Variants in CEP192 observed in about 807,000 individuals in gnomAD.
CEP192 encodes centrosomal protein 192, also known as centrosomal protein of 192 kDa.
Under a neutral mutation model 271.8 loss-of-function variants are expected in CEP192, and 151 were observed. The ratio of observed to expected loss-of-function variants is 0.56; its 90% confidence interval spans 0.49 to 0.64. CEP192 has a LOEUF of 0.64. Among genes scored for constraint, CEP192 ranks in the 30% least tolerant of loss-of-function variants. CEP192 has a pLI of 0.00. For missense variants in CEP192, 2,910 were observed against 3,020.5 expected (o/e 0.96, Z 0.86); for synonymous variants, 995 against 1,076.5 (o/e 0.92, Z 1.48).
intron 32 of CEP192, chr18:13,088,773 A>G: frequency 3.9e-6 from 1 of 253,434 alleles, no homozygotes. Flanking sequence ...AATGTTTTAC[A>G]AGAGGGAATT....
intron 34 of CEP192, among the ~76,000 whole-genome samples, chr18:13,093,909 C>G (rs564723551): frequency 1.3e-5 from 2 of 152,292 alleles, no homozygotes; most frequent in Admixed American, 6.5e-5. Flanking sequence ...GAGATTTCAC[C>G]AAATCACCTT....
At chr18:13,018,988 T>C (rs1384646415) in intron 8 of CEP192, 94 bp from the exon 9 acceptor site, 16 of 1,225,114 alleles carry the variant, frequency 1.3e-5, no homozygotes, top group Non-Finnish European at 1.7e-5. Flanking sequence ...AGTATTAGGG[T>C]TACATAAAAT....
intron 7 of CEP192, 44 bp from the exon 8 acceptor site, chr18:13,018,435 AT>A (rs1403603406): frequency 7.9e-7 from 1 of 1,271,124 alleles, no homozygotes; most frequent in Non-Finnish European, 1.1e-6. Context: ...AAAATATTTC[AT>A]TTTAATTTAA....
chr18:13,029,559 C>T (rs2035496585), intron 9 of CEP192, 104 bp from the exon 10 acceptor site: 1 of 700,218 alleles, frequency 1.4e-6, no homozygotes, highest in African/African-American at 1.8e-5. Context: ...ATATAATAAA[C>T]ATTTTATATC....
At chr18:13,120,909 C>CT (rs1184196090) in intron 44 of CEP192, among the ~76,000 whole-genome samples, 1 of 152,210 alleles carries the variant, frequency 6.6e-6, no homozygotes, top group Non-Finnish European at 1.5e-5. Context: ...TTATAGGAAA[C>CT]TTTATTTTAC....
intron 41 of CEP192, 54 bp downstream of exon 41, chr18:13,113,759 A>G: frequency 1.3e-6 from 2 of 1,493,212 alleles, no homozygotes; most frequent in South Asian, 1.3e-5. Flanking sequence ...AAAAACAGAA[A>G]GGGAAATTAA....
intron 1 of CEP192, among the ~76,000 whole-genome samples, chr18:12,998,500 T>A (rs977418135): frequency 1.3e-5 from 2 of 152,216 alleles, no homozygotes; most frequent in African/African-American, 4.8e-5. Flanking sequence ...AATGGGATAA[T>A]ACCTACATTG....
intron 40 of CEP192, among the ~76,000 whole-genome samples, chr18:13,109,981 C>T: frequency 6.6e-6 from 1 of 151,966 alleles, no homozygotes; most frequent in Admixed American, 6.6e-5. Context: ...TTTCATGAAC[C>T]CCTCGAATAT....
At chr18:13,005,219 C>G (rs574208320) in intron 3 of CEP192, among the ~76,000 whole-genome samples, 8 of 152,262 alleles carry the variant, frequency 5.3e-5, no homozygotes, top group Admixed American at 2.0e-4. Flanking sequence ...ACAGGCTATT[C>G]AGGCTTTCAT....
At chr18:13,099,731 C>A (rs2039618565) in intron 37 of CEP192, 150 bp downstream of exon 37, 5 of 545,102 alleles carry the variant, frequency 9.2e-6, no homozygotes, top group South Asian at 5.8e-5. Flanking sequence ...AGGGATTCAA[C>A]CAACCACAGA....
At chr18:13,088,994 A>AT (rs1018614478) in intron 32 of CEP192, 96 of 377,384 alleles carry the variant, frequency 2.5e-4, no homozygotes, top group Middle Eastern at 1.3e-3. Flanking sequence ...CAGTAGTGAG[A>AT]TTTTTTTTGT....
At chr18:13,037,202 A>G (rs1238180296) in intron 11 of CEP192, 35 bp from the exon 12 acceptor site, 1 of 831,928 alleles carries the variant, frequency 1.2e-6, no homozygotes, top group East Asian at 2.7e-5. Context: ...TTTAGGCATT[A>G]GTGTAATGTA....
At chr18:13,083,401 C>T (rs1049260847) in intron 30 of CEP192, among the ~76,000 whole-genome samples, 4 of 152,178 alleles carry the variant, frequency 2.6e-5, no homozygotes, top group African/African-American at 9.6e-5. Context: ...CCCACTTGAT[C>T]GAGTTGGCTA....
At position 13,053,070 on chromosome 18, in the gene CEP192, G is replaced by T. The variant is rs747601656; in HGVS notation, c.3169G>T (p.Asp1057Tyr). ...CTCCTATCCTACCACAGCCACAGAT[G>T]ATGCCCTGGAGGACCGCAAGGTGGG... ...ESSYPTTATD[D>Y]ALEDRKSDIT... The change falls in exon 18 of 45, where the codon GAT becomes TAT. Residue 1057 changes from aspartate to tyrosine, a missense_variant. Asp to Tyr is a radical substitution (Grantham distance 160). Transcript: ENST00000506447. The T allele has an allele frequency of 1.2e-6, 2 of 1,610,386 alleles. No homozygotes were observed. Among genetic ancestry groups the T allele is most frequent in the African/African-American group, 1.3e-5 (1 of 74,760 alleles).
In CEP192 at chr18:13,049,797, C is replaced by T. The variant is rs144039180; in HGVS notation, c.2923C>T (p.Arg975Cys). 4.0e-5 allele frequency: 64 copies of T among 1,613,712 alleles called. No homozygotes were observed. The highest frequency in any genetic ancestry group is 3.0e-4 in the Admixed American group (18 of 59,966). The stretch of plus-strand genomic sequence containing the variant: ...AAATACCTCTCCTGAGCATGGTGGA[C>T]GTGGCTCAGAGGATGAGCAGGAGAG... ...LKNTSPEHGG[R>C]GSEDEQESFR... Residue 975 changes from arginine to cysteine, a missense_variant, in exon 17 of 45, where the codon CGT (arginine) becomes TGT (cysteine). Physicochemically the swap from Arg to Cys is radical, Grantham distance 180. Coordinates refer to ENST00000506447, the MANE Select transcript of CEP192 (RefSeq NM_032142.4).
chr18:13,095,651 G>A lies in CEP192; in HGVS notation c.6403G>A (p.Glu2135Lys), dbSNP rs760413025. The change falls in exon 35 of 45, where the codon GAG (glutamate) becomes AAG (lysine). Residue 2135 changes from glutamate to lysine, a missense_variant. By Grantham distance (56) the Glu-to-Lys change is moderately conservative. Transcript: ENST00000506447. ...ASEEPWTVLP[E>K]HLILVAPSPC... ...CGAAGAGCCGTGGACTGTCCTACCC[G>A]AGCACTTGATTCTGGTAGCTCCTTC... 57 of 1,612,744 alleles carry A rather than the reference G, an allele frequency of 3.5e-5. No individual in the cohort carries two copies. The highest frequency in any genetic ancestry group is 1.6e-4 in the Middle Eastern group (1 of 6,078).
At position 13,057,891 on chromosome 18, in the gene CEP192, C is replaced by A. The variant is rs559039337; in HGVS notation, c.4257+158C>A. 31 of 509,218 alleles carry A rather than the reference C, an allele frequency of 6.1e-5. No individual in the cohort carries two copies. The Admixed American group carries it at 6.2e-4, about 10-fold the overall frequency. 31.5% of individuals were successfully genotyped at this position (509,218 alleles called of 1,614,324 possible). A position where few individuals can be genotyped will look rare whatever the true frequency, so the allele number is the denominator to read the frequency against. ...CTCTCAGACCCCTTTTGTTGTAGTG[C>A]TTGTAGAGTGTAAAGTGAAACAGTT... On this transcript the variant is annotated intron_variant, in intron 20 of 44. Coordinates refer to ENST00000506447, the MANE Select transcript of CEP192 (RefSeq NM_032142.4).
chr18:13,079,169 G>A (rs771418211), intron 30 of CEP192, among the ~76,000 whole-genome samples: 12 of 152,120 alleles, frequency 7.9e-5, no homozygotes, highest in East Asian at 1.9e-4. Flanking sequence ...GGATTGCTGC[G>A]TCAAATGTAT....
chr18:13,031,274 G>C (rs2035611137), intron 11 of CEP192, among the ~76,000 whole-genome samples: 3 of 130,970 alleles, frequency 2.3e-5, no homozygotes, highest in Admixed American at 1.7e-4. Flanking sequence ...TTGAGACAGA[G>C]TCTCGCTCTG....
Sources: allele counts gnomAD v4.1 joint callset (sites outside exome capture counted in the v4.1 genomes callset), GRCh38; gene constraint gnomAD v4.1.1; transcripts MANE v1.5; gene names NCBI Gene and HGNC (gene_info 2026-07-23, HGNC 2026-07-21).